The following ABCB11 variants were observed in gnomAD, a reference collection of about 807,000 sequenced individuals.
ABCB11 encodes bile salt export pump.
A neutral mutation model predicts 148.0 loss-of-function variants in ABCB11; 95 were observed. The observed-to-expected ratio is 0.64, with a 90% CI of 0.54 to 0.76. The LOEUF (loss-of-function observed/expected upper bound fraction) is 0.76. Ranked by LOEUF, ABCB11 falls within the 30% of genes least tolerant of loss-of-function variation. ABCB11 has a pLI of 0.00. For synonymous variants in ABCB11, 591 were observed against 555.4 expected (o/e 1.06, Z -0.90); for missense variants, 1,523 against 1,617.8 (o/e 0.94, Z 1.01).
intron 25 of ABCB11, among the ~76,000 whole-genome samples, chr2:168,929,918 A>G (rs1258230260): frequency 6.6e-6 from 1 of 152,212 alleles, no homozygotes; most frequent in African/African-American, 2.4e-5. Flanking sequence ...CATATTATTT[A>G]AAGACATAAA....
intron 21 of ABCB11, among the ~76,000 whole-genome samples, chr2:168,942,452 T>C (rs955740363): frequency 2.6e-5 from 4 of 151,540 alleles, no homozygotes; most frequent in South Asian, 4.1e-4. Context: ...TGTGCAGGGA[T>C]TTGCCTTACC....
intron 7 of ABCB11, among the ~76,000 whole-genome samples, 157 bp downstream of exon 7, chr2:168,995,192 T>C (rs186254089): frequency 7.6e-4 from 115 of 152,192 alleles, no homozygotes; most frequent in African/African-American, 2.6e-3. Context: ...TTTGACAGTG[T>C]ATTACTTATG....
In ABCB11 at chr2:169,021,132, T is replaced by C. The variant is rs201572121; in HGVS notation, c.-27-2980A>G. On this transcript the variant is annotated intron_variant, in intron 1 of 27. Transcript: ENST00000650372. Reference sequence around the variant, plus strand: ...TATGAGCCACCATGCCTGGATCATTTTTGTATTTTTAGTAGAGATGGAGTT... The same window carrying C: ...TATGAGCCACCATGCCTGGATCATTCTTGTATTTTTAGTAGAGATGGAGTT... 1.7e-4 allele frequency among the ~76,000 whole-genome samples: 26 copies of C among 152,170 alleles called. No individual in the cohort carries two copies. In the East Asian group the frequency reaches 5.0e-3, roughly 29 times the overall value.
chr2:168,975,532 TATAGATAA>T (rs1693837807), intron 12 of ABCB11, among the ~76,000 whole-genome samples: 1 of 117,396 alleles, frequency 8.5e-6, no homozygotes. Context: ...TTTTTATATT[TATAGATAA>T]ATATATAAAT....
intron 19 of ABCB11, among the ~76,000 whole-genome samples, chr2:168,951,110 T>G (rs1173589268): frequency 6.6e-6 from 1 of 151,676 alleles, no homozygotes; most frequent in Non-Finnish European, 1.5e-5. Flanking sequence ...GTTTCTGGGT[T>G]CTCTATTCTG....
chr2:168,994,979 G>A (rs992479616), intron 7 of ABCB11, among the ~76,000 whole-genome samples: 8 of 151,918 alleles, frequency 5.3e-5, no homozygotes, highest in Non-Finnish European at 7.4e-5. Flanking sequence ...AATAGGGTTC[G>A]ACCAATTCTA....
intron 1 of ABCB11, among the ~76,000 whole-genome samples, chr2:169,021,062 A>T (rs781584388): frequency 4.0e-5 from 6 of 151,590 alleles, no homozygotes; most frequent in Non-Finnish European, 8.8e-5. Context: ...TCTTGGGTTC[A>T]TGTGATTCTC....
downstream of ABCB11, among the ~76,000 whole-genome samples, chr2:168,918,510 TAGAC>T (rs1690987875): frequency 6.6e-6 from 1 of 152,204 alleles, no homozygotes; most frequent in Non-Finnish European, 1.5e-5. Context: ...CATAGATGAT[TAGAC>T]AGATAGATAG....
intron 9 of ABCB11, among the ~76,000 whole-genome samples, chr2:168,990,125 G>A (rs982765512): frequency 4.6e-5 from 7 of 152,078 alleles, no homozygotes; most frequent in African/African-American, 1.7e-4. Flanking sequence ...CTTGTAAAAT[G>A]AGTGTGAAGT....
Position 168,982,618 on chromosome 2 carries a change from CAATT to C in ABCB11, c.1084-2643_1084-2640del, listed in dbSNP as rs1377962165. Among the ~76,000 whole-genome samples, 8 of 152,050 alleles carry C rather than the reference CAATT, an allele frequency of 5.3e-5. No individual in the cohort carries two copies. The East Asian group carries it at 1.5e-3, about 29-fold the overall frequency. ...ATGTGAACTACTTACCATTTATGCCCAATTACCATGCAGCCAGTAACGATTTTGT... is the reference window on the plus strand; with the variant it reads ...ATGTGAACTACTTACCATTTATGCCCACCATGCAGCCAGTAACGATTTTGT... On this transcript the variant is annotated intron_variant, in intron 10 of 27. Transcript: ENST00000650372.
intron 9 of ABCB11, among the ~76,000 whole-genome samples, chr2:168,990,351 T>A (rs1338432672): frequency 6.6e-6 from 1 of 152,110 alleles, no homozygotes; most frequent in East Asian, 1.9e-4. Context: ...AGGTTGTATT[T>A]TTATAGGAAT....
chr2:168,987,062 TG>T (rs1558910227), intron 9 of ABCB11, among the ~76,000 whole-genome samples: 1 of 152,114 alleles, frequency 6.6e-6, no homozygotes, highest in African/African-American at 2.4e-5. Context: ...ATGTCTTTCA[TG>T]GTGGAAGAAA....
chr2:168,971,751 C>T (rs1208930575), intron 14 of ABCB11, 96 bp downstream of exon 14: 1 of 1,175,822 alleles, frequency 8.5e-7, no homozygotes, highest in Non-Finnish European at 1.2e-6. Context: ...AATTTAATGA[C>T]TTGGGAATCA....
chr2:169,016,398 C>G (rs1313009937), intron 3 of ABCB11, among the ~76,000 whole-genome samples: 6 of 152,134 alleles, frequency 3.9e-5, no homozygotes, highest in Non-Finnish European at 7.4e-5. Context: ...AATTCAAAAT[C>G]TTTAGCTGAA....
chr2:168,946,151 C>A (rs1692295316), intron 19 of ABCB11, among the ~76,000 whole-genome samples: 1 of 151,822 alleles, frequency 6.6e-6, no homozygotes, highest in South Asian at 2.1e-4. Flanking sequence ...GTAATTTAGG[C>A]CAGGTGAGGG....
In ABCB11 at chr2:169,013,505, C is replaced by G. The variant is rs140587295; in HGVS notation, c.156G>C (p.Arg52=). 4 of 1,612,452 alleles carry G rather than the reference C, an allele frequency of 2.5e-6. No homozygotes were observed. The East Asian group carries it at 8.9e-5, about 36-fold the overall frequency. Residue 52 remains arginine (R), a synonymous_variant, in exon 5 of 28, where the codon CGG becomes CGC. Transcript: ENST00000650372. ...GVRVGFFQLF[R]FSSSTDIWLM... is the part of the protein sequence containing the mutation. ...GCCAAATGTCAGTTGATGAAGAAAACCGAAACTTGAAAAACAAAGGGTTCA... is the reference window on the plus strand; with the variant it reads ...GCCAAATGTCAGTTGATGAAGAAAAGCGAAACTTGAAAAACAAAGGGTTCA...
chr2:168,917,422 T>C (rs1690961525), downstream of ABCB11, among the ~76,000 whole-genome samples: 1 of 152,196 alleles, frequency 6.6e-6, no homozygotes, highest in Admixed American at 6.5e-5. Context: ...GAAAACTTGT[T>C]TTGGGAAGAG....
At position 169,013,400 on chromosome 2, in the gene ABCB11, T is replaced by C. The variant is rs750898251; in HGVS notation, c.261A>G (p.Thr87=). The change falls in exon 5 of 28, where the codon ACA becomes ACG. Residue 87 remains threonine (T), a synonymous_variant. Coordinates refer to ENST00000650372, the MANE Select transcript of ABCB11 (RefSeq NM_003742.4). ...CAACGTCGTAGTCAATAAAAACATC[T>C]GTCATTGTGCCAAAAATGAGTAGCA... ...PGVLLIFGTM[T]DVFIDYDVEL... is the part of the protein sequence containing the mutation. 1.2e-6 allele frequency: 2 copies of C among 1,613,864 alleles called. No individual in the cohort carries two copies. The highest frequency in any genetic ancestry group is 3.3e-5 in the Admixed American group (2 of 59,996).
Position 168,970,040 on chromosome 2 carries a change from C to T in ABCB11, c.1809+5G>A. 6.2e-7 allele frequency: 1 copy of T among 1,600,624 alleles called. No individual in the cohort carries two copies. Among genetic ancestry groups the T allele is most frequent in the Non-Finnish European group, 8.5e-7 (1 of 1,172,078 alleles). ...CCTGTAAAATGGACTAAGACTTCCA[C>T]AAACCTTACTCAGCACTTCTTGCAC... On this transcript the variant is annotated splice_donor_5th_base_variant and intron_variant, in intron 15 of 27. Coordinates refer to ENST00000650372, the MANE Select transcript of ABCB11 (RefSeq NM_003742.4).
Sources: gnomAD v4.1 joint callset for allele counts (sites outside exome capture counted in the v4.1 genomes callset) on GRCh38, gnomAD v4.1.1 for gene constraint, MANE v1.5 for transcripts, NCBI Gene and HGNC (gene_info 2026-07-23, HGNC 2026-07-21) for gene names.